The following PRPF31 variants were observed in gnomAD, a reference collection of about 807,000 sequenced individuals.
PRPF31 encodes U4/U6 small nuclear ribonucleoprotein Prp31.
In PRPF31, 12 loss-of-function variants were observed where a neutral mutation model predicts 60.4. The ratio of observed to expected loss-of-function variants is 0.20; its 90% confidence interval spans 0.13 to 0.32. The LOEUF is 0.32. Among genes scored for constraint, PRPF31 ranks in the 10% least tolerant of loss-of-function variants. The probability of loss-of-function intolerance (pLI) is 1.00; values close to 1 mark genes in which losing one functional copy is unlikely to be tolerated. For missense variants in PRPF31, 431 were observed against 687.1 expected (o/e 0.63, Z 4.17); for synonymous variants, 287 against 287.9 (o/e 1.00, Z 0.03).
chr19:54,130,907 T>A (rs1300595630), intron 13 of PRPF31, among the ~76,000 whole-genome samples: 1 of 152,120 alleles, frequency 6.6e-6, no homozygotes, highest in African/African-American at 2.4e-5. Flanking sequence ...CTTGAAAATA[T>A]TTAGGAAGTG....
chr19:54,126,200 G>A (rs1039838318), intron 8 of PRPF31, among the ~76,000 whole-genome samples: 6 of 152,210 alleles, frequency 3.9e-5, no homozygotes, highest in East Asian at 1.9e-4. Context: ...GAGATGATCC[G>A]AGGGGCGTGC....
chr19:54,118,732 C>A, intron 3 of PRPF31, 99 bp downstream of exon 3: 1 of 1,204,578 alleles, frequency 8.3e-7, no homozygotes, highest in Non-Finnish European at 1.2e-6. Context: ...TCCTTCTCAG[C>A]CTTTTCCAGA....
In PRPF31 at chr19:54,123,876, C is replaced by T; in HGVS notation, c.655C>T (p.Leu219=). Residue 219 remains leucine, a synonymous_variant, in exon 7 of 14, where the codon CTG becomes TTG. Coordinates refer to ENST00000321030, the MANE Select transcript of PRPF31 (RefSeq NM_015629.4). The stretch of plus-strand genomic sequence containing the variant: ...CCGGATGTCCTTCATCGCACCCAAC[C>T]TGTCCATCATTATCGGGGCATCCAC... ...ESRMSFIAPN[L]SIIIGASTAA... 6.2e-7 allele frequency: 1 copy of T among 1,614,070 alleles called. No individual in the cohort carries two copies. Among genetic ancestry groups the T allele is most frequent in the Non-Finnish European group, 8.5e-7 (1 of 1,180,018 alleles).
intron 9 of PRPF31, among the ~76,000 whole-genome samples, chr19:54,127,351 C>T (rs1272626281): frequency 6.7e-6 from 1 of 150,222 alleles, no homozygotes; most frequent in East Asian, 1.9e-4. Flanking sequence ...CCTCAGACCT[C>T]TCTCTGACTC....
chr19:54,128,067 C>T lies in PRPF31; in HGVS notation c.946-6C>T, dbSNP rs2073961613. The T allele has an allele frequency of 1.3e-6, 2 of 1,548,522 alleles. No homozygotes were observed. Among genetic ancestry groups the T allele is most frequent in the Non-Finnish European group, 1.7e-6 (2 of 1,146,788 alleles). ...AGCTGCAGGACCTCCCCCTCGCCCT[C>T]CCCAGGTGGGCTACGAACTGAAGGA... On this transcript the variant is annotated splice_region_variant and splice_polypyrimidine_tract_variant and intron_variant, in intron 9 of 13. Coordinates refer to ENST00000321030, the MANE Select transcript of PRPF31 (RefSeq NM_015629.4).
chr19:54,131,485 T>C lies in PRPF31; in HGVS notation c.*53T>C. Reference sequence around the variant, plus strand: ...CCACTGAAGGGACACAGAGGTCCAGTCCTTCTGAAGGGCTAGGATCGGGTT... The same window carrying C: ...CCACTGAAGGGACACAGAGGTCCAGCCCTTCTGAAGGGCTAGGATCGGGTT... On this transcript the variant is annotated 3_prime_UTR_variant, in exon 14 of 14. Coordinates refer to ENST00000321030, the MANE Select transcript of PRPF31 (RefSeq NM_015629.4). 6.2e-7 allele frequency: 1 copy of C among 1,607,720 alleles called. No homozygotes were observed. Among genetic ancestry groups the C allele is most frequent in the Non-Finnish European group, 8.5e-7 (1 of 1,176,776 alleles).
At chr19:54,130,887 G>C (rs148899813) in intron 13 of PRPF31, among the ~76,000 whole-genome samples, 1 of 152,068 alleles carries the variant, frequency 6.6e-6, no homozygotes, top group Non-Finnish European at 1.5e-5. Context: ...ACGGGGGCTC[G>C]CTCTGTTGCC....
At chr19:54,131,227 G>A (rs1187618817) in intron 13 of PRPF31, 80 bp from the exon 14 acceptor site, 26 of 1,575,012 alleles carry the variant, frequency 1.7e-5, no homozygotes, top group Non-Finnish European at 2.1e-5. Flanking sequence ...CCATGGGGAA[G>A]GGCCTGGGGG....
intron 3 of PRPF31, among the ~76,000 whole-genome samples, chr19:54,119,338 T>C (rs2073731014): frequency 6.6e-6 from 1 of 150,488 alleles, no homozygotes; most frequent in Non-Finnish European, 1.5e-5. Flanking sequence ...GCCGAGATCG[T>C]GCCACTGCAC....
At chr19:54,116,354 A>G (rs753464999) in intron 1 of PRPF31, among the ~76,000 whole-genome samples, 12 of 149,774 alleles carry the variant, frequency 8.0e-5, no homozygotes, top group South Asian at 2.1e-4. Context: ...ACAGGCGCGC[A>G]CCACCACGCC....
At chr19:54,122,759 G>A in intron 5 of PRPF31, 165 bp downstream of exon 5, 1 of 703,468 alleles carries the variant, frequency 1.4e-6, no homozygotes. Flanking sequence ...GCCTGGACAG[G>A]ACTTTCTCAG....
At chr19:54,121,703 G>A (rs1394887691) in intron 3 of PRPF31, 157 bp from the exon 4 acceptor site, 1 of 741,152 alleles carries the variant, frequency 1.3e-6, no homozygotes, top group African/African-American at 1.7e-5. Context: ...AGGAACACAA[G>A]TTCAGGGATG....
chr19:54,126,444 G>A (rs2073922292), intron 8 of PRPF31, 84 bp from the exon 9 acceptor site: 2 of 1,341,724 alleles, frequency 1.5e-6, no homozygotes, highest in South Asian at 1.2e-5. Flanking sequence ...GGTAGAGCCA[G>A]AGGAGGAGCG....
chr19:54,129,132 C>A lies in PRPF31; in HGVS notation c.1222C>A (p.Arg408=), dbSNP rs367896277. ...GGGCAAGTCGGGCAGTGGGCGTGTG[C>A]GGCAGACACAGGTAAACGAGGCCAC... The part of the protein sequence containing the change: ...HLGKSGSGRV[R]QTQVNEATKA... The change falls in exon 12 of 14, where the codon CGG becomes AGG. Residue 408 remains arginine (R), a synonymous_variant. Transcript: ENST00000321030. 5.7e-6 allele frequency: 9 copies of A among 1,581,864 alleles called. No homozygotes were observed. The highest frequency in any genetic ancestry group is 7.7e-6 in the Non-Finnish European group (9 of 1,164,824).
chr19:54,124,832 C>T, intron 8 of PRPF31, 176 bp downstream of exon 8: 1 of 746,298 alleles, frequency 1.3e-6, no homozygotes, highest in Non-Finnish European at 2.2e-6. Flanking sequence ...CTCCAGCACC[C>T]ACCAGTCAGG....
intron 6 of PRPF31, 52 bp from the exon 7 acceptor site, chr19:54,123,697 G>C (rs1415418243): frequency 6.3e-7 from 1 of 1,592,424 alleles, no homozygotes; most frequent in Non-Finnish European, 8.5e-7. Context: ...CTGGGGCTGG[G>C]CACACCAGGC....
At chr19:54,126,149 G>T (rs1481368934) in intron 8 of PRPF31, among the ~76,000 whole-genome samples, 1 of 152,230 alleles carries the variant, frequency 6.6e-6, no homozygotes, top group Non-Finnish European at 1.5e-5. Context: ...TCTGAAAAGG[G>T]GGTGCAATGA....
At chr19:54,118,143 C>T (rs1430147111) in intron 1 of PRPF31, 128 bp from the exon 2 acceptor site, 23 of 1,321,198 alleles carry the variant, frequency 1.7e-5, no homozygotes, top group Middle Eastern at 2.6e-4. Flanking sequence ...CACCTGTTGT[C>T]GTGGAGCCTG....
chr19:54,118,631 A>G lies in PRPF31; in HGVS notation c.236A>G (p.Glu79Gly). Reference sequence around the variant, plus strand: ...ATCAGCAAGCAAGCCAAAGCTTCAGAAGGTGCTTCCTCCCACTCTGTGCCC... The same window carrying G: ...ATCAGCAAGCAAGCCAAAGCTTCAGGAGGTGCTTCCTCCCACTCTGTGCCC... ...EYISKQAKAS[E>G]VMGPVEAAPE... Residue 79 changes from glutamate (E) to glycine (G), a missense_variant and splice_region_variant, in exon 3 of 14, where the codon GAA becomes GGA. By Grantham distance (98) the Glu-to-Gly change is moderately conservative. This residue lies in a region of PRPF31 where 113 missense variants were observed against 173.8 expected (regional missense o/e 0.65). Transcript: ENST00000321030. The G allele has an allele frequency of 1.2e-6, 2 of 1,613,988 alleles. No individual in the cohort carries two copies. Among genetic ancestry groups the G allele is most frequent in the South Asian group, 2.2e-5 (2 of 91,070 alleles).
Sources: allele counts gnomAD v4.1 joint callset (sites outside exome capture counted in the v4.1 genomes callset), GRCh38; gene constraint gnomAD v4.1.1; regional missense constraint gnomAD v4.1.1; transcripts MANE v1.5; gene names NCBI Gene and HGNC (gene_info 2026-07-23, HGNC 2026-07-21).